Variants in LRRFIP2 observed in about 807,000 individuals in gnomAD.
The protein encoded by LRRFIP2 is LRR binding FLII interacting protein 2, also known as leucine-rich repeat flightless-interacting protein 2.
A neutral mutation model predicts 125.9 loss-of-function variants in LRRFIP2; 109 were observed. The ratio of observed to expected loss-of-function variants is 0.87; its 90% CI spans 0.74 to 1.01. LRRFIP2 has a LOEUF of 1.01. Among genes scored for constraint, LRRFIP2 ranks in the 50% least tolerant of loss-of-function variants. The pLI, the probability that LRRFIP2 is intolerant of heterozygous loss-of-function variation, is 0.00. For missense variants in LRRFIP2, 850 were observed against 862.3 expected (o/e 0.99, Z 0.18); for synonymous variants, 291 against 293.1 (o/e 0.99, Z 0.07).
At chr3:37,164,720 C>CA (rs148231991) in intron 1 of LRRFIP2, among the ~76,000 whole-genome samples, 1,726 of 106,748 alleles carry the variant, frequency 0.016, 18 homozygotes, top group Middle Eastern at 0.04. Context: ...GACTCCGTCT[C>CA]AAAAAAAAAA....
chr3:37,140,809 G>T (rs1170070389), intron 2 of LRRFIP2, among the ~76,000 whole-genome samples: 1 of 151,792 alleles, frequency 6.6e-6, no homozygotes. Context: ...CATCATAAGG[G>T]TCCTTCCTCT....
chr3:37,103,317 C>G lies in LRRFIP2; in HGVS notation c.784-304G>C, dbSNP rs1333793139. ...TCTCATGTTTAAGATATTTATCACC[C>G]TGAACAGAGGCATTTCTAGGTCAGT... On this transcript the variant is annotated intron_variant, in intron 14 of 27. Coordinates refer to ENST00000336686, the MANE Select transcript of LRRFIP2 (RefSeq NM_006309.4). Among the ~76,000 whole-genome samples, 5 of 152,138 alleles carry G rather than the reference C, an allele frequency of 3.3e-5. 1 individual carries two copies. The highest frequency in any genetic ancestry group is 3.3e-4 in the Admixed American group (5 of 15,262).
chr3:37,090,222 G>GTTTGTTTT (rs1559790829), intron 18 of LRRFIP2, among the ~76,000 whole-genome samples: 5 of 149,990 alleles, frequency 3.3e-5, no homozygotes, highest in Admixed American at 6.6e-5. Context: ...TACTTTTTTT[G>GTTTGTTTT]TTTGTTTGTT....
intron 24 of LRRFIP2, among the ~76,000 whole-genome samples, chr3:37,061,063 C>T (rs1346511784): frequency 6.6e-6 from 1 of 152,158 alleles, no homozygotes; most frequent in African/African-American, 2.4e-5. Flanking sequence ...AGTGAGTTCT[C>T]GCTCTGGTAG....
At chr3:37,114,074 G>T (rs1206119214) in intron 7 of LRRFIP2, among the ~76,000 whole-genome samples, 2 of 151,494 alleles carry the variant, frequency 1.3e-5, no homozygotes, top group Non-Finnish European at 2.9e-5. Context: ...CATATATATA[G>T]CTGTATTCCC....
intron 7 of LRRFIP2, among the ~76,000 whole-genome samples, chr3:37,113,306 CT>C (rs559960204): frequency 1.3e-5 from 2 of 151,944 alleles, no homozygotes; most frequent in African/African-American, 2.4e-5. Flanking sequence ...CCTCTGACTT[CT>C]TTTTTTTCTT....
intron 6 of LRRFIP2, 111 bp downstream of exon 6, chr3:37,121,381 T>G: frequency 1.0e-6 from 1 of 1,000,328 alleles, no homozygotes; most frequent in Non-Finnish European, 1.5e-6. Flanking sequence ...ATTTTATACT[T>G]CTTTTAAAAA....
intron 19 of LRRFIP2, among the ~76,000 whole-genome samples, chr3:37,080,922 A>G (rs1249949431): frequency 1.3e-5 from 2 of 152,206 alleles, no homozygotes; most frequent in Non-Finnish European, 2.9e-5. Flanking sequence ...TTTAACATTG[A>G]TTAGATATAT....
At position 37,111,466 on chromosome 3, in the gene LRRFIP2, T is replaced by C. The variant is rs975156729; in HGVS notation, c.439-401A>G. Among the ~76,000 whole-genome samples the C allele has an allele frequency of 2.0e-5, 3 of 152,170 alleles. No individual in the cohort carries two copies. The South Asian group carries it at 6.2e-4, about 32-fold the overall frequency. ...AAACATTTCCTAGTCCCATTACTTG[T>C]CAAAATAAACTGACAAATTAAGTTA... On this transcript the variant is annotated intron_variant, in intron 8 of 27. Transcript: ENST00000336686.
At chr3:37,170,789 C>T (rs2096575146) in intron 1 of LRRFIP2, 1 of 152,218 alleles carries the variant, frequency 6.6e-6, no homozygotes, top group Non-Finnish European at 1.5e-5. Flanking sequence ...AAACTTTCCT[C>T]CTGGACGGGC....
chr3:37,147,735 T>G (rs2095893524), intron 2 of LRRFIP2, among the ~76,000 whole-genome samples: 3 of 152,232 alleles, frequency 2.0e-5, no homozygotes. Context: ...AATTTAATGA[T>G]GCTCTAAGCA....
Position 37,156,985 on chromosome 3 carries a change from T to C in LRRFIP2, c.-55-7947A>G, listed in dbSNP as rs139573166. On this transcript the variant is annotated intron_variant, in intron 1 of 27. Transcript: ENST00000336686. ...TCTCTACTAAAAATACAAAATTAGCTGGGCGTGGTGGCACATGCCTGTAAT... is the reference window on the plus strand; with the variant it reads ...TCTCTACTAAAAATACAAAATTAGCCGGGCGTGGTGGCACATGCCTGTAAT... Among the ~76,000 whole-genome samples, 1,147 of 149,654 alleles carry C rather than the reference T, an allele frequency of 7.7e-3. 16 individuals carry two copies. The highest frequency in any genetic ancestry group is 0.027 in the African/African-American group (1,091 of 40,762).
rs112444615 is a variant in LRRFIP2 at position 37,150,024 on chromosome 3, C to CA, written c.-55-987dup. On this transcript the variant is annotated intron_variant, in intron 1 of 27. Coordinates refer to ENST00000336686, the MANE Select transcript of LRRFIP2 (RefSeq NM_006309.4). ...TCAAAAAAAAACAAAAACAAACAGA[C>CA]AAAAAAAACCCACAACCATATAAAA... Among the ~76,000 whole-genome samples the CA allele has an allele frequency of 1.4e-4, 21 of 150,952 alleles. No homozygotes were observed. In the South Asian group the frequency reaches 3.6e-3, roughly 26 times the overall value.
At position 37,083,925 on chromosome 3, in the gene LRRFIP2, C is replaced by A. The variant is rs1332853799; in HGVS notation, c.1108-119G>T. On this transcript the variant is annotated intron_variant, in intron 18 of 27. Coordinates refer to ENST00000336686, the MANE Select transcript of LRRFIP2 (RefSeq NM_006309.4). The stretch of plus-strand genomic sequence containing the variant: ...AAGATGCATTTTCATAAAATACAAG[C>A]GGTTTGGGGAACTCCTTGTTTAGTA... 8.3e-6 allele frequency: 6 copies of A among 726,586 alleles called. No individual in the cohort carries two copies. In the East Asian group the frequency reaches 1.9e-4, roughly 24 times the overall value. 45.0% of individuals were successfully genotyped at this position (726,586 alleles called of 1,614,324 possible). A position where few individuals can be genotyped will look rare whatever the true frequency, so the allele number is the denominator to read the frequency against.
intron 2 of LRRFIP2, among the ~76,000 whole-genome samples, chr3:37,135,433 G>A (rs1269589037): frequency 6.6e-6 from 1 of 151,152 alleles, no homozygotes; most frequent in East Asian, 1.9e-4. Context: ...ACTCCAGCCT[G>A]GGCAACAGAG....
chr3:37,061,205 G>A (rs116483964), intron 24 of LRRFIP2, among the ~76,000 whole-genome samples: 34,357 of 151,848 alleles, frequency 0.23, 4,913 homozygotes, highest in Non-Finnish European at 0.32. Flanking sequence ...CTGGCTGGGC[G>A]CGGTGGCTCA....
intron 1 of LRRFIP2, among the ~76,000 whole-genome samples, chr3:37,168,365 T>C (rs923483143): frequency 3.3e-5 from 5 of 152,230 alleles, no homozygotes; most frequent in African/African-American, 1.2e-4. Flanking sequence ...GAAATTCTGA[T>C]ACATGCTATG....
chr3:37,072,756 G>A (rs759448383), intron 21 of LRRFIP2, 34 bp downstream of exon 21: 8 of 1,302,784 alleles, frequency 6.1e-6, no homozygotes, highest in Middle Eastern at 1.8e-4. Flanking sequence ...CCTCATCAAT[G>A]AGCTTCTAAC....
At chr3:37,132,368 A>G (rs2095448436) in intron 2 of LRRFIP2, among the ~76,000 whole-genome samples, 1 of 152,186 alleles carries the variant, frequency 6.6e-6, no homozygotes, top group African/African-American at 2.4e-5. Flanking sequence ...AATTCTGTAC[A>G]ATCTATATAT....
Sources: allele counts gnomAD v4.1 joint callset (sites outside exome capture counted in the v4.1 genomes callset), GRCh38; gene constraint gnomAD v4.1.1; transcripts MANE v1.5; gene names NCBI Gene and HGNC (gene_info 2026-07-23, HGNC 2026-07-21).